The following LARGE1 variants were observed in gnomAD, a reference collection of about 807,000 sequenced individuals.
LARGE1 encodes xylosyl- and glucuronyltransferase LARGE1.
A neutral mutation model predicts 87.6 loss-of-function variants in LARGE1; 43 were observed. The ratio of observed to expected loss-of-function variants is 0.49; its 90% confidence interval spans 0.38 to 0.63. The LOEUF (loss-of-function observed/expected upper bound fraction) is 0.63, where lower values mean the gene tolerates loss of function less well. LARGE1 is among the 30% of genes least tolerant of loss of function. The pLI is 0.00. For synonymous variants in LARGE1, 434 were observed against 394.6 expected, an observed-to-expected ratio of 1.10 and a Z score of -1.18; for missense variants, 802 against 1,000.2, an observed-to-expected ratio of 0.80 and a Z score of 2.67.
chr22:33,236,748 C>T (rs1391505292), intron 11 of LARGE1, among the ~76,000 whole-genome samples: 1 of 152,176 alleles, frequency 6.6e-6, no homozygotes, highest in African/African-American at 2.4e-5. Flanking sequence ...TCCCACAAAG[C>T]ATTAGGGCCA....
At chr22:33,327,669 C>T (rs1383577715) in intron 10 of LARGE1, among the ~76,000 whole-genome samples, 1 of 152,176 alleles carries the variant, frequency 6.6e-6, no homozygotes, top group Non-Finnish European at 1.5e-5. Flanking sequence ...GATCCTCCCA[C>T]CACAACCTCC....
intron 3 of LARGE1, among the ~76,000 whole-genome samples, chr22:33,634,630 A>G (rs1178876404): frequency 6.6e-6 from 1 of 151,786 alleles, no homozygotes; most frequent in Non-Finnish European, 1.5e-5. Context: ...AAAAATGGAA[A>G]GAGATGAGAA....
At chr22:33,319,747 T>C (rs939996884) in intron 10 of LARGE1, among the ~76,000 whole-genome samples, 1 of 152,050 alleles carries the variant, frequency 6.6e-6, no homozygotes, top group South Asian at 2.1e-4. Flanking sequence ...GAGCAATAGA[T>C]ACTGATAGAG....
intron 2 of LARGE1, among the ~76,000 whole-genome samples, chr22:33,675,911 T>C (rs1434049550): frequency 4.1e-5 from 6 of 145,342 alleles, no homozygotes; most frequent in Admixed American, 1.3e-4. Context: ...ATTCAGCTGG[T>C]AAGTGAAAGG....
the LARGE1 span, among the ~76,000 whole-genome samples, chr22:33,155,206 G>A: frequency 6.6e-6 from 1 of 152,158 alleles, no homozygotes; most frequent in Admixed American, 6.5e-5. Context: ...CAAAAATGTG[G>A]ACTTTGGAAC....
downstream of LARGE1, among the ~76,000 whole-genome samples, chr22:33,269,824 TGAAAC>T (rs748201456): frequency 5.9e-5 from 9 of 151,952 alleles, no homozygotes; most frequent in Non-Finnish European, 1.2e-4. Context: ...GCTAAAACGG[TGAAAC>T]CCTGTCTCTA....
At chr22:33,634,475 C>T (rs976479420) in intron 3 of LARGE1, among the ~76,000 whole-genome samples, 7 of 152,084 alleles carry the variant, frequency 4.6e-5, no homozygotes, top group South Asian at 2.1e-4. Flanking sequence ...AGTACGAGGG[C>T]GTGCAAATAA....
At position 33,633,847 on chromosome 22, in the gene LARGE1, C is replaced by T. The variant is rs566715922; in HGVS notation, c.409-7521G>A. Among the ~76,000 whole-genome samples, 7 of 152,242 alleles carry T rather than the reference C, an allele frequency of 4.6e-5. No individual in the cohort carries two copies. The South Asian group carries it at 1.0e-3, about 23-fold the overall frequency. On this transcript the variant is annotated intron_variant, in intron 3 of 14. Transcript: ENST00000397394. ...TGACAGCTGCGGAGAAGCGAACAGC[C>T]GGGGTCAGACAGGCAGCAGCGAGGG... is the stretch of plus-strand genomic sequence containing the variant.
chr22:33,808,792 T>G (rs192979946), intron 1 of LARGE1, among the ~76,000 whole-genome samples: 34 of 152,320 alleles, frequency 2.2e-4, no homozygotes, highest in Non-Finnish European at 4.3e-4. Context: ...TCCAAAGCAG[T>G]AGTTGAAGAC....
At chr22:33,702,352 A>G (rs1285271763) in intron 2 of LARGE1, among the ~76,000 whole-genome samples, 1 of 152,220 alleles carries the variant, frequency 6.6e-6, no homozygotes, top group African/African-American at 2.4e-5. Context: ...GCCAAAAGCC[A>G]GAATCTAGCC....
chr22:33,198,652 C>CACACAT (rs1311283331), intron 11 of LARGE1, among the ~76,000 whole-genome samples: 2 of 140,322 alleles, frequency 1.4e-5, no homozygotes, highest in African/African-American at 5.7e-5. Flanking sequence ...CACACACACA[C>CACACAT]ACACACACAC....
chr22:33,296,569 CTTT>C (rs66851772), intron 12 of LARGE1, among the ~76,000 whole-genome samples: 1 of 133,918 alleles, frequency 7.5e-6, no homozygotes. Flanking sequence ...TTTTTCTTTT[CTTT>C]TTTTTTTTTT....
At chr22:33,430,342 C>T (rs932637323) in intron 7 of LARGE1, among the ~76,000 whole-genome samples, 1 of 152,154 alleles carries the variant, frequency 6.6e-6, no homozygotes, top group Non-Finnish European at 1.5e-5. Context: ...CCCTGCCTTA[C>T]CCATTATTGA....
intron 11 of LARGE1, among the ~76,000 whole-genome samples, chr22:33,263,823 G>T (rs1927779489): frequency 6.6e-6 from 1 of 152,194 alleles, no homozygotes; most frequent in African/African-American, 2.4e-5. Flanking sequence ...GTTACAACTG[G>T]ATGCCATTTC....
intron 6 of LARGE1, among the ~76,000 whole-genome samples, chr22:33,553,216 A>C (rs186575344): frequency 6.6e-6 from 1 of 152,184 alleles, no homozygotes; most frequent in Non-Finnish European, 1.5e-5. Flanking sequence ...ATTACAATAA[A>C]ATGACTCAGC....
chr22:33,121,469 G>A, the LARGE1 span, among the ~76,000 whole-genome samples: 1 of 152,144 alleles, frequency 6.6e-6, no homozygotes, highest in African/African-American at 2.4e-5. Flanking sequence ...TTTATAGAGT[G>A]GTTTTGATAT....
rs1382778423 is a variant in LARGE1 at position 33,827,158 on chromosome 22, C to T, written c.-82-65600G>A. On this transcript the variant is annotated intron_variant, in intron 1 of 14. Coordinates refer to ENST00000397394, the MANE Select transcript of LARGE1 (RefSeq NM_133642.5). ...CGGGCAGATCATAAGGTCAGGAGAT[C>T]GAGACCATCCTAGCTAACACGGTGA... is the stretch of plus-strand genomic sequence containing the variant. Among the ~76,000 whole-genome samples the T allele has an allele frequency of 3.3e-5, 5 of 151,256 alleles. No individual in the cohort carries two copies. The South Asian group carries it at 6.3e-4, about 19-fold the overall frequency.
At chr22:33,472,996 C>A (rs1251677861) in intron 6 of LARGE1, among the ~76,000 whole-genome samples, 2 of 152,124 alleles carry the variant, frequency 1.3e-5, no homozygotes, top group East Asian at 3.9e-4. Context: ...CTGGGGTGGT[C>A]AAATATCTTG....
intron 7 of LARGE1, among the ~76,000 whole-genome samples, chr22:33,392,712 T>C (rs2065577861): frequency 6.6e-6 from 1 of 152,086 alleles, no homozygotes; most frequent in Non-Finnish European, 1.5e-5. Flanking sequence ...TTAAAGTGGA[T>C]GCCACTTTAA....
Sources: gnomAD v4.1 joint callset for allele counts (sites outside exome capture counted in the v4.1 genomes callset) on GRCh38, gnomAD v4.1.1 for gene constraint, MANE v1.5 for transcripts, NCBI Gene and HGNC (gene_info 2026-07-23, HGNC 2026-07-21) for gene names.